Variants in FHIT observed in about 807,000 individuals in gnomAD.
The protein encoded by FHIT is bis(5'-adenosyl)-triphosphatase.
FHIT carries 19 observed loss-of-function variants against 17.9 expected under a neutral mutation model. The ratio of observed to expected loss-of-function variants is 1.06; its 90% CI spans 0.74 to 1.56. The LOEUF (loss-of-function observed/expected upper bound fraction) is 1.56, where lower values mean the gene tolerates loss of function less well. FHIT is among the 40% of genes most tolerant of loss of function. The probability of loss-of-function intolerance (pLI) is 0.00; values close to 1 mark genes in which losing one functional copy is unlikely to be tolerated. For synonymous variants in FHIT, 81 were observed against 69.7 expected, an observed-to-expected ratio of 1.16 and a Z score of -0.81; for missense variants, 248 against 189.2, an observed-to-expected ratio of 1.31 and a Z score of -1.82.
At chr3:61,070,470 C>T (rs142771179) in intron 2 of FHIT, among the ~76,000 whole-genome samples, 2 of 152,266 alleles carry the variant, frequency 1.3e-5, no homozygotes, top group Non-Finnish European at 2.9e-5. Context: ...AAAAGACCCC[C>T]GTGGAAATGG....
chr3:59,914,206 T>A (rs1408688439), intron 8 of FHIT, among the ~76,000 whole-genome samples: 2 of 152,000 alleles, frequency 1.3e-5, no homozygotes, highest in African/African-American at 4.8e-5. Context: ...TATTTACTTT[T>A]TTTTTGGTAG....
At chr3:59,790,242 C>G (rs566227174) in intron 8 of FHIT, among the ~76,000 whole-genome samples, 3 of 152,262 alleles carry the variant, frequency 2.0e-5, no homozygotes, top group Admixed American at 6.5e-5. Context: ...AAAGCATTTT[C>G]TTGAACCCCA....
At chr3:60,914,047 T>C (rs1706876117) in intron 3 of FHIT, among the ~76,000 whole-genome samples, 1 of 152,098 alleles carries the variant, frequency 6.6e-6, no homozygotes, top group Non-Finnish European at 1.5e-5. Context: ...GGAGAAGAGG[T>C]CTGCACAGAC....
intron 5 of FHIT, among the ~76,000 whole-genome samples, chr3:60,151,956 A>C (rs1286342620): frequency 6.6e-6 from 1 of 152,196 alleles, no homozygotes; most frequent in Non-Finnish European, 1.5e-5. Context: ...CCCTATGGGC[A>C]CAAGTACTTT....
At chr3:60,820,176 C>T (rs781814232) in intron 4 of FHIT, among the ~76,000 whole-genome samples, 31 of 151,768 alleles carry the variant, frequency 2.0e-4, no homozygotes, top group Middle Eastern at 3.2e-3. Flanking sequence ...GGCCTGGTGG[C>T]GGGCGCTTGT....
chr3:61,232,519 G>A (rs1560099060), intron 1 of FHIT, among the ~76,000 whole-genome samples: 1 of 152,298 alleles, frequency 6.6e-6, no homozygotes, highest in East Asian at 1.9e-4. Context: ...GGAGGGGTTG[G>A]CTCTCTACCT....
intron 8 of FHIT, among the ~76,000 whole-genome samples, chr3:59,794,566 C>T (rs143850719): frequency 4.6e-5 from 7 of 152,282 alleles, no homozygotes; most frequent in Non-Finnish European, 8.8e-5. Context: ...TTATATGTAT[C>T]GCCTCTTTTA....
intron 5 of FHIT, among the ~76,000 whole-genome samples, chr3:60,510,953 C>G (rs1352352350): frequency 3.9e-5 from 6 of 152,026 alleles, no homozygotes; most frequent in Non-Finnish European, 1.5e-5. Flanking sequence ...AATGACAAAC[C>G]AAGAATAAAT....
intron 5 of FHIT, among the ~76,000 whole-genome samples, chr3:60,525,443 C>CT (rs903558179): frequency 1.3e-4 from 19 of 151,892 alleles, no homozygotes; most frequent in African/African-American, 2.7e-4. Context: ...CTGACAACCC[C>CT]TTTTTTTTAA....
intron 4 of FHIT, among the ~76,000 whole-genome samples, chr3:60,768,707 C>G (rs1699934867): frequency 6.6e-6 from 1 of 152,224 alleles, no homozygotes; most frequent in South Asian, 2.1e-4. Context: ...AAACAGAAAC[C>G]TGTCATGCCT....
chr3:61,012,721 C>G (rs1035713329), intron 3 of FHIT, among the ~76,000 whole-genome samples: 1 of 151,130 alleles, frequency 6.6e-6, no homozygotes. Flanking sequence ...ATAAGAAATA[C>G]ATATTTTTTG....
chr3:60,178,705 G>A (rs535355775), intron 5 of FHIT, among the ~76,000 whole-genome samples: 105 of 152,142 alleles, frequency 6.9e-4, no homozygotes, highest in Non-Finnish European at 6.6e-4. Flanking sequence ...GTTGTTTTTC[G>A]TCCATTAGCT....
chr3:59,946,149 T>C (rs1321507832), intron 7 of FHIT, among the ~76,000 whole-genome samples: 23 of 152,236 alleles, frequency 1.5e-4, no homozygotes, highest in Admixed American at 1.5e-3. Flanking sequence ...TGATTCTTCC[T>C]ATCCACGAGC....
At chr3:59,993,639 A>G (rs1699382145) in intron 7 of FHIT, among the ~76,000 whole-genome samples, 1 of 151,788 alleles carries the variant, frequency 6.6e-6, no homozygotes, top group South Asian at 2.1e-4. Context: ...TGCTGCTGGG[A>G]GCTGAGGTTA....
intron 5 of FHIT, among the ~76,000 whole-genome samples, chr3:60,221,855 G>A (rs1703975827): frequency 6.6e-6 from 1 of 151,752 alleles, no homozygotes; most frequent in Non-Finnish European, 1.5e-5. Flanking sequence ...CTCTATCGCT[G>A]TCCTATTTAA....
chr3:60,017,723 T>C (rs1382772670), intron 5 of FHIT, among the ~76,000 whole-genome samples: 1 of 152,228 alleles, frequency 6.6e-6, no homozygotes, highest in African/African-American at 2.4e-5. Context: ...ATGAACACTT[T>C]AGGTGTTTTT....
intron 5 of FHIT, among the ~76,000 whole-genome samples, chr3:60,339,879 A>T (rs1421024839): frequency 2.0e-5 from 3 of 152,050 alleles, no homozygotes; most frequent in African/African-American, 7.2e-5. Context: ...ACCATTGCAG[A>T]CTTTGAGATT....
intron 5 of FHIT, among the ~76,000 whole-genome samples, chr3:60,117,946 C>T (rs956795017): frequency 4.6e-5 from 7 of 152,148 alleles, no homozygotes; most frequent in Non-Finnish European, 2.9e-5. Context: ...TCTGGTTGTG[C>T]ATCAGAATCA....
intron 5 of FHIT, among the ~76,000 whole-genome samples, chr3:60,238,635 G>C (rs894258248): frequency 6.6e-6 from 1 of 152,094 alleles, no homozygotes; most frequent in Non-Finnish European, 1.5e-5. Flanking sequence ...TGAAAGTATA[G>C]AATGATCGAT....
Sources: gnomAD v4.1 joint callset for allele counts (sites outside exome capture counted in the v4.1 genomes callset) on GRCh38, gnomAD v4.1.1 for gene constraint, MANE v1.5 for transcripts, NCBI Gene and HGNC (gene_info 2026-07-23, HGNC 2026-07-21) for gene names.